The following TRPM7 variants were observed in gnomAD, a reference collection of about 807,000 sequenced individuals.
The protein encoded by TRPM7 is LTRPC ion channel family member 7.
In TRPM7, 134 loss-of-function variants were observed where a neutral mutation model predicts 229.7. That is an observed-to-expected ratio of 0.58 (90% CI 0.51 to 0.67). The LOEUF is 0.67. TRPM7 is among the 30% of genes least tolerant of loss of function. The pLI, the probability that TRPM7 is intolerant of heterozygous loss-of-function variation, is 0.00. For synonymous variants in TRPM7, 699 were observed against 715.2 expected, an observed-to-expected ratio of 0.98 and a Z score of 0.36; for missense variants, 1,901 against 2,210.0, an observed-to-expected ratio of 0.86 and a Z score of 2.80.
At chr15:50,577,655 A>G (rs1260859278) in intron 31 of TRPM7, among the ~76,000 whole-genome samples, 1 of 152,214 alleles carries the variant, frequency 6.6e-6, no homozygotes, top group African/African-American at 2.4e-5. Context: ...CCTATTTGGT[A>G]GTAATTACCA....
intron 36 of TRPM7, among the ~76,000 whole-genome samples, chr15:50,571,006 G>A (rs1294222924): frequency 2.6e-5 from 4 of 152,054 alleles, no homozygotes; most frequent in South Asian, 2.1e-4. Context: ...GCCCTCTCCA[G>A]AAGTATTATG....
intron 2 of TRPM7, among the ~76,000 whole-genome samples, chr15:50,658,148 G>C (rs1273913586): frequency 6.6e-6 from 1 of 151,820 alleles, no homozygotes; most frequent in Non-Finnish European, 1.5e-5. Flanking sequence ...GGGACTACAG[G>C]CTCCTGCCAC....
chr15:50,660,212 G>A (rs2140908823), intron 2 of TRPM7, among the ~76,000 whole-genome samples: 2 of 152,244 alleles, frequency 1.3e-5, no homozygotes, highest in East Asian at 3.9e-4. Context: ...GATTGGAAGA[G>A]ATGTTAAGGT....
chr15:50,682,520 G>A lies in TRPM7; in HGVS notation c.3+4011C>T, dbSNP rs2062265570. ...GAATCCAGGAGGCGGAGGTTGCAGT[G>A]AGCCAAGATCGCACCATTGCACTCC... On this transcript the variant is annotated intron_variant, in intron 1 of 38. Coordinates refer to ENST00000646667, the MANE Select transcript of TRPM7 (RefSeq NM_017672.6). Among the ~76,000 whole-genome samples the A allele has an allele frequency of 2.0e-5, 3 of 150,532 alleles. No homozygotes were observed. The South Asian group carries it at 6.3e-4, about 32-fold the overall frequency.
At chr15:50,593,871 T>A in intron 24 of TRPM7, 122 bp from the exon 25 acceptor site, 1 of 931,856 alleles carries the variant, frequency 1.1e-6, no homozygotes, top group South Asian at 1.8e-5. Context: ...CTTTTTAAAC[T>A]TTTACTACTA....
chr15:50,584,678 A>C (rs186062338), intron 28 of TRPM7, among the ~76,000 whole-genome samples: 36 of 151,278 alleles, frequency 2.4e-4, no homozygotes, highest in Admixed American at 1.1e-3. Flanking sequence ...TGAGCATCTG[A>C]AAATCTGAAA....
At chr15:50,680,993 C>T (rs939110458) in intron 1 of TRPM7, among the ~76,000 whole-genome samples, 1 of 152,074 alleles carries the variant, frequency 6.6e-6, no homozygotes, top group Non-Finnish European at 1.5e-5. Flanking sequence ...TGGCTCATGC[C>T]TGTAATCCCA....
intron 9 of TRPM7, among the ~76,000 whole-genome samples, chr15:50,632,473 CAT>C (rs1274074041): frequency 6.6e-6 from 1 of 152,134 alleles, no homozygotes; most frequent in Non-Finnish European, 1.5e-5. Context: ...CCCACATTTA[CAT>C]GATTGAAACA....
At chr15:50,593,466 T>G in intron 25 of TRPM7, 151 bp downstream of exon 25, 1 of 798,640 alleles carries the variant, frequency 1.3e-6, no homozygotes. Flanking sequence ...GAAGTATTAA[T>G]AGAACTGAAC....
intron 28 of TRPM7, among the ~76,000 whole-genome samples, chr15:50,584,065 T>C (rs1397859470): frequency 6.6e-6 from 1 of 152,218 alleles, no homozygotes; most frequent in Non-Finnish European, 1.5e-5. Flanking sequence ...TGATAATACC[T>C]TTGTTGTCAT....
chr15:50,649,437 CAAAA>C (rs541168300), intron 3 of TRPM7, among the ~76,000 whole-genome samples: 1 of 92,790 alleles, frequency 1.1e-5, no homozygotes. Flanking sequence ...GACCCCAACT[CAAAA>C]AAAAAAAAAA....
intron 34 of TRPM7, 61 bp from the exon 35 acceptor site, chr15:50,574,780 T>C (rs1408548906): frequency 6.3e-7 from 1 of 1,585,620 alleles, no homozygotes; most frequent in Non-Finnish European, 8.6e-7. Context: ...TATATTTGGC[T>C]TATTGATATT....
At chr15:50,570,565 A>G (rs1054644724) in intron 36 of TRPM7, among the ~76,000 whole-genome samples, 1 of 151,826 alleles carries the variant, frequency 6.6e-6, no homozygotes, top group Non-Finnish European at 1.5e-5. Flanking sequence ...GGGATTGGCC[A>G]GGCGCAGTGG....
rs2140702854 is a variant in TRPM7, at chr15:50,635,805, C to T, written c.833-1249G>A. Reference sequence around the variant, plus strand: ...CAGCCTGGCCAACATAGTGAAACCTCCTATCTACCAAAAATACAAAAAATT... The same window carrying T: ...CAGCCTGGCCAACATAGTGAAACCTTCTATCTACCAAAAATACAAAAAATT... On this transcript the variant is annotated intron_variant, in intron 7 of 38. Transcript: ENST00000646667. Among the ~76,000 whole-genome samples, 3 of 151,558 alleles carry T rather than the reference C, an allele frequency of 2.0e-5. No homozygotes were observed. In the Middle Eastern group the frequency reaches 0.01, roughly 530 times the overall value.
intron 22 of TRPM7, among the ~76,000 whole-genome samples, chr15:50,597,351 T>G (rs2059659761): frequency 6.6e-6 from 1 of 152,218 alleles, no homozygotes; most frequent in South Asian, 2.1e-4. Flanking sequence ...TAGCTAAATA[T>G]TTATAGTACA....
chr15:50,594,196 T>C (rs947615727), intron 24 of TRPM7, among the ~76,000 whole-genome samples: 1 of 152,196 alleles, frequency 6.6e-6, no homozygotes, highest in African/African-American at 2.4e-5. Flanking sequence ...CGGTTTACAT[T>C]ACCATTTTAA....
At chr15:50,616,726 G>A (rs1007556977) in intron 13 of TRPM7, among the ~76,000 whole-genome samples, 5 of 151,542 alleles carry the variant, frequency 3.3e-5, no homozygotes, top group Non-Finnish European at 7.4e-5. Flanking sequence ...TGTTGTCCAG[G>A]CTGGAGTGCA....
intron 1 of TRPM7, among the ~76,000 whole-genome samples, chr15:50,671,520 C>T (rs538703415): frequency 6.6e-6 from 1 of 152,270 alleles, no homozygotes; most frequent in East Asian, 1.9e-4. Flanking sequence ...ATTCCTATTG[C>T]AGGCTGGGTG....
At chr15:50,600,308 A>T (rs955344710) in intron 21 of TRPM7, among the ~76,000 whole-genome samples, 3 of 151,858 alleles carry the variant, frequency 2.0e-5, no homozygotes, top group African/African-American at 7.3e-5. Flanking sequence ...GTGGCGGCAC[A>T]CTCCTGTAAT....
Sources: allele counts gnomAD v4.1 joint callset (sites outside exome capture counted in the v4.1 genomes callset), GRCh38; gene constraint gnomAD v4.1.1; transcripts MANE v1.5; gene names NCBI Gene and HGNC (gene_info 2026-07-23, HGNC 2026-07-21).